The following VKORC1L1 variants were observed in gnomAD, a reference collection of about 807,000 sequenced individuals.
VKORC1L1 encodes the protein vitamin K epoxide reductase complex subunit 1-like protein 1.
In VKORC1L1, 2 loss-of-function variants were observed where a neutral mutation model predicts 18.9. The ratio of observed to expected loss-of-function variants is 0.11; its 90% CI spans 0.04 to 0.33. The LOEUF (loss-of-function observed/expected upper bound fraction) is 0.33, where lower values mean the gene tolerates loss of function less well. Ranked by LOEUF, VKORC1L1 falls within the 10% of genes least tolerant of loss-of-function variation. The probability of loss-of-function intolerance (pLI) is 1.00; values close to 1 mark genes in which losing one functional copy is unlikely to be tolerated. For missense variants in VKORC1L1, 123 were observed against 224.1 expected (o/e 0.55, Z 2.88); for synonymous variants, 96 against 100.0 (o/e 0.96, Z 0.24).
At chr7:65,878,968 G>A (rs1788877483) in intron 1 of VKORC1L1, among the ~76,000 whole-genome samples, 1 of 152,182 alleles carries the variant, frequency 6.6e-6, no homozygotes, top group Non-Finnish European at 1.5e-5. Flanking sequence ...GGATTTGAAA[G>A]ATAACAAAGC....
intron 1 of VKORC1L1, among the ~76,000 whole-genome samples, chr7:65,907,387 G>A (rs755691724): frequency 2.8e-4 from 42 of 152,228 alleles, no homozygotes; most frequent in African/African-American, 5.8e-4. Context: ...GCAGTGAGCC[G>A]AGATCATGCC....
upstream of VKORC1L1, among the ~76,000 whole-genome samples, chr7:65,872,642 T>A (rs1341951748): frequency 6.6e-6 from 1 of 152,168 alleles, no homozygotes; most frequent in Non-Finnish European, 1.5e-5. Flanking sequence ...AATCATTTTT[T>A]AAAAATAGTT....
At position 65,891,095 on chromosome 7, in the gene VKORC1L1, CA is replaced by C. The variant is rs1368533669; in HGVS notation, c.194+17531del. Among the ~76,000 whole-genome samples, 11 of 137,920 alleles carry C rather than the reference CA, an allele frequency of 8.0e-5. No individual in the cohort carries two copies. The South Asian group carries it at 2.7e-3, about 34-fold the overall frequency. 90.5% of individuals were successfully genotyped at this position (137,920 alleles called of 152,430 possible). A position where few individuals can be genotyped will look rare whatever the true frequency, so the allele number is the denominator to read the frequency against. On this transcript the variant is annotated intron_variant, in intron 1 of 2. Transcript: ENST00000360768. ...GCTGTGTCTGGCTTCTTTTGCCCAG[CA>C]TAATTTTTTTTTTTTTTTTTTGCAA...
At chr7:65,951,313 T>C (rs1272436774) in intron 2 of VKORC1L1, among the ~76,000 whole-genome samples, 2 of 152,184 alleles carry the variant, frequency 1.3e-5, no homozygotes, top group African/African-American at 4.8e-5. Flanking sequence ...CAGTGGCTCA[T>C]GCCAATAATT....
Position 65,873,231 on chromosome 7 carries a change from A to C in VKORC1L1, c.-141A>C, listed in dbSNP as rs1788755062. 1 of 959,650 alleles carries C rather than the reference A, an allele frequency of 1.0e-6. No individual in the cohort carries two copies. The highest frequency in any genetic ancestry group is 1.8e-5 in the African/African-American group (1 of 55,776). The allele number at this position is 959,650 out of a possible 1,614,324, so 59.4% of individuals were successfully genotyped here. ...GGGCCCGGAGCAGGCCACCGAGCCAATGGGGCGCGGCGGCGGCGGCGGCGG... is the reference window on the plus strand; with the variant it reads ...GGGCCCGGAGCAGGCCACCGAGCCACTGGGGCGCGGCGGCGGCGGCGGCGG... On this transcript the variant is annotated 5_prime_UTR_variant, in exon 1 of 3. The change abolishes an upstream ATG in the 5' untranslated region. Coordinates refer to ENST00000360768, the MANE Select transcript of VKORC1L1 (RefSeq NM_173517.6).
chr7:65,915,293 G>A (rs1426965403), intron 1 of VKORC1L1, among the ~76,000 whole-genome samples: 1 of 151,170 alleles, frequency 6.6e-6, no homozygotes, highest in Admixed American at 6.6e-5. Flanking sequence ...GGGTTTCACC[G>A]TGTTAGCCAG....
intron 1 of VKORC1L1, among the ~76,000 whole-genome samples, chr7:65,917,107 T>C (rs1789601356): frequency 6.6e-6 from 1 of 152,202 alleles, no homozygotes; most frequent in Admixed American, 6.5e-5. Context: ...AAAGTGAGAC[T>C]TTCTCCCGTG....
chr7:65,935,902 A>G (rs1334027093), intron 1 of VKORC1L1, among the ~76,000 whole-genome samples: 2 of 152,120 alleles, frequency 1.3e-5, no homozygotes, highest in Non-Finnish European at 2.9e-5. Context: ...GTCCAGTGAA[A>G]TAAATGTTAG....
At chr7:65,890,901 C>A (rs764917614) in intron 1 of VKORC1L1, among the ~76,000 whole-genome samples, 2 of 152,096 alleles carry the variant, frequency 1.3e-5, no homozygotes, top group Non-Finnish European at 2.9e-5. Context: ...TATCTATAAC[C>A]ACTACCCAGA....
Position 65,873,143 on chromosome 7 carries a change from G to T in VKORC1L1, c.-229G>T, listed in dbSNP as rs1025396218. On this transcript the variant is annotated 5_prime_UTR_variant, in exon 1 of 3. Transcript: ENST00000360768. The stretch of plus-strand genomic sequence containing the variant: ...ACCCCCTCCCTCCGCGCCCGCGCGC[G>T]CCTTCCCCGCCCCGTCCGCCTCACT... 8.2e-6 allele frequency: 3 copies of T among 366,596 alleles called. No homozygotes were observed. Among genetic ancestry groups the T allele is most frequent in the Non-Finnish European group, 1.1e-5 (3 of 264,904 alleles). 22.7% of individuals were successfully genotyped at this position (366,596 alleles called of 1,614,324 possible).
At chr7:65,884,905 CTG>C (rs763250410) in intron 1 of VKORC1L1, among the ~76,000 whole-genome samples, 5 of 152,164 alleles carry the variant, frequency 3.3e-5, no homozygotes, top group South Asian at 2.1e-4. Flanking sequence ...TTTTTATTAA[CTG>C]TGTTTCTTCT....
intron 1 of VKORC1L1, among the ~76,000 whole-genome samples, chr7:65,947,755 G>A (rs999217648): frequency 2.0e-5 from 3 of 151,678 alleles, no homozygotes; most frequent in African/African-American, 7.3e-5. Context: ...CAGTGGTGCA[G>A]TCTCGGCCCA....
rs373718974 is a variant in VKORC1L1, at chr7:65,921,950, G to A, written c.195-26721G>A. ...GATTCTTCAACCTTGGCCTCCCAAC[G>A]TGCTGTGATTACAGGCATGAGCCAC... is the stretch of plus-strand genomic sequence containing the variant. On this transcript the variant is annotated intron_variant, in intron 1 of 2. Transcript: ENST00000360768. 5.5e-4 allele frequency among the ~76,000 whole-genome samples: 83 copies of A among 152,182 alleles called. 1 individual carries two copies. Among genetic ancestry groups the A allele is most frequent in the African/African-American group, 2.0e-3 (81 of 41,530 alleles).
At chr7:65,879,800 TCTTTCCTTTTCTTTTTCTTTC>T (rs1788896829) in intron 1 of VKORC1L1, among the ~76,000 whole-genome samples, 1 of 151,760 alleles carries the variant, frequency 6.6e-6, no homozygotes, top group African/African-American at 2.4e-5. Flanking sequence ...CTTGCTTCCT[TCTTTCCTTTTCTTTTTCTTTC>T]CTTTCCTTTT....
chr7:65,932,932 G>A (rs943520123), intron 1 of VKORC1L1, among the ~76,000 whole-genome samples: 2 of 152,074 alleles, frequency 1.3e-5, no homozygotes, highest in African/African-American at 4.8e-5. Context: ...ACAAAAATTA[G>A]CCAGGCACAA....
chr7:65,895,273 G>T (rs1789172511), intron 1 of VKORC1L1, among the ~76,000 whole-genome samples: 1 of 151,428 alleles, frequency 6.6e-6, no homozygotes. Flanking sequence ...TAAGTCTAAA[G>T]AAGCTATTTC....
intron 1 of VKORC1L1, among the ~76,000 whole-genome samples, chr7:65,917,271 T>C (rs1789604442): frequency 6.6e-6 from 1 of 152,208 alleles, no homozygotes; most frequent in South Asian, 2.1e-4. Flanking sequence ...ACCTTTTCTC[T>C]GTGCGTTGAT....
intron 1 of VKORC1L1, among the ~76,000 whole-genome samples, chr7:65,884,272 G>A (rs184674856): frequency 6.6e-6 from 1 of 152,252 alleles, no homozygotes; most frequent in African/African-American, 2.4e-5. Flanking sequence ...TGGCATAAAG[G>A]TACTCATAAA....
At chr7:65,945,427 C>T (rs536356652) in intron 1 of VKORC1L1, among the ~76,000 whole-genome samples, 35 of 151,826 alleles carry the variant, frequency 2.3e-4, no homozygotes, top group Non-Finnish European at 4.4e-4. Flanking sequence ...TTGGCTAACA[C>T]GGTGAAACCC....
Sources: gnomAD v4.1 joint callset for allele counts (sites outside exome capture counted in the v4.1 genomes callset) on GRCh38, gnomAD v4.1.1 for gene constraint, MANE v1.5 for transcripts, NCBI Gene and HGNC (gene_info 2026-07-23, HGNC 2026-07-21) for gene names.